Variants in PLPP4 observed in about 807,000 individuals in gnomAD.
PLPP4 encodes phospholipid phosphatase 4.
In PLPP4, 20 loss-of-function variants were observed where a neutral mutation model predicts 32.2. The observed-to-expected ratio is 0.62, with a 90% CI of 0.44 to 0.90. The LOEUF (loss-of-function observed/expected upper bound fraction) is 0.90. Ranked by LOEUF, PLPP4 falls within the 40% of genes least tolerant of loss-of-function variation. The pLI is 0.00. For missense variants in PLPP4, 257 were observed against 353.1 expected, an observed-to-expected ratio of 0.73 and a Z score of 2.18; for synonymous variants, 127 against 133.0, an observed-to-expected ratio of 0.95 and a Z score of 0.31.
At chr10:120,523,361 C>G (rs797014887) in intron 5 of PLPP4, among the ~76,000 whole-genome samples, 1 of 151,934 alleles carries the variant, frequency 6.6e-6, no homozygotes, top group Admixed American at 6.6e-5. Context: ...CTGTGACTTA[C>G]GGCAGAACAC....
Position 120,550,908 on chromosome 10 carries a change from A to G in PLPP4, c.446-24223A>G, listed in dbSNP as rs184750671. ...TAAAAGATAAATTGAACTCAAGCAA[A>G]ATTAAAAATGTCTGCTTTTCAAAAG... is the stretch of plus-strand genomic sequence containing the variant. On this transcript the variant is annotated intron_variant, in intron 5 of 6. Coordinates refer to ENST00000398250, the MANE Select transcript of PLPP4 (RefSeq NM_001030059.3). Among the ~76,000 whole-genome samples the G allele has an allele frequency of 3.9e-5, 6 of 152,230 alleles. No individual in the cohort carries two copies. In the East Asian group the frequency reaches 9.6e-4, roughly 24 times the overall value.
In PLPP4 at chr10:120,589,670, A is replaced by G. The variant is rs769474096; in HGVS notation, c.*168A>G. 4 of 596,150 alleles carry G rather than the reference A, an allele frequency of 6.7e-6. No individual in the cohort carries two copies. The highest frequency in any genetic ancestry group is 1.2e-5 in the Non-Finnish European group (4 of 344,564). 36.9% of individuals were successfully genotyped at this position (596,150 alleles called of 1,614,324 possible). A position where few individuals can be genotyped will look rare whatever the true frequency, so the allele number is the denominator to read the frequency against. On this transcript the variant is annotated 3_prime_UTR_variant, in exon 7 of 7. Transcript: ENST00000398250. The stretch of plus-strand genomic sequence containing the variant: ...GGTGTTCCTGCTACTTTAAATGTCT[A>G]CTTCCAACATCCTTGAATTTGCAAG...
intron 3 of PLPP4, among the ~76,000 whole-genome samples, chr10:120,515,941 A>G (rs1047149814): frequency 6.6e-5 from 10 of 152,232 alleles, no homozygotes; most frequent in Non-Finnish European, 1.3e-4. Flanking sequence ...AGTAGCTCAC[A>G]GTTGCCTTCT....
At chr10:120,514,169 G>C (rs973389904) in intron 3 of PLPP4, among the ~76,000 whole-genome samples, 168 bp downstream of exon 3, 1 of 152,190 alleles carries the variant, frequency 6.6e-6, no homozygotes, top group East Asian at 1.9e-4. Flanking sequence ...AAGAGCCAAC[G>C]TGCGGTCCTA....
At chr10:120,464,997 G>A (rs986803076) in intron 1 of PLPP4, among the ~76,000 whole-genome samples, 13 of 152,280 alleles carry the variant, frequency 8.5e-5, no homozygotes, top group South Asian at 2.1e-4. Flanking sequence ...TTCCCACAGG[G>A]AGATAAATGC....
intron 6 of PLPP4, among the ~76,000 whole-genome samples, chr10:120,579,242 G>A (rs754322356): frequency 1.3e-5 from 2 of 152,126 alleles, no homozygotes; most frequent in African/African-American, 2.4e-5. Flanking sequence ...ATTTTAAGCA[G>A]CCCTGGGTGC....
At chr10:120,463,306 G>T (rs137974721) in intron 1 of PLPP4, among the ~76,000 whole-genome samples, 3 of 152,240 alleles carry the variant, frequency 2.0e-5, no homozygotes, top group South Asian at 2.1e-4. Context: ...GATTACAGGC[G>T]TGAGCCACCG....
chr10:120,556,269 TG>T (rs1848160672), intron 5 of PLPP4, among the ~76,000 whole-genome samples: 5 of 152,214 alleles, frequency 3.3e-5, no homozygotes, highest in Admixed American at 3.3e-4. Flanking sequence ...CTTAGTGCCC[TG>T]GGGGGTAATT....
intron 5 of PLPP4, among the ~76,000 whole-genome samples, chr10:120,540,257 G>C (rs1847276572): frequency 6.6e-6 from 1 of 152,182 alleles, no homozygotes; most frequent in African/African-American, 2.4e-5. Flanking sequence ...GTGTCCTCCT[G>C]TGGCTAAGGT....
At chr10:120,519,665 A>G (rs1846072197) in intron 4 of PLPP4, among the ~76,000 whole-genome samples, 1 of 152,098 alleles carries the variant, frequency 6.6e-6, no homozygotes, top group Non-Finnish European at 1.5e-5. Context: ...TTGGAGAAAC[A>G]GTGGCTGAGT....
At chr10:120,494,664 G>A (rs1411727823) in intron 1 of PLPP4, among the ~76,000 whole-genome samples, 2 of 152,196 alleles carry the variant, frequency 1.3e-5, no homozygotes, top group African/African-American at 4.8e-5. Flanking sequence ...CCTTATCCAG[G>A]TGAGGGGTGG....
intron 1 of PLPP4, among the ~76,000 whole-genome samples, chr10:120,495,322 A>G (rs1349121759): frequency 2.0e-5 from 3 of 152,258 alleles, no homozygotes; most frequent in Non-Finnish European, 2.9e-5. Context: ...CAGAGTAAAG[A>G]CCTGTCTGAG....
At chr10:120,518,730 A>G in intron 3 of PLPP4, 103 bp from the exon 4 acceptor site, 1 of 917,764 alleles carries the variant, frequency 1.1e-6, no homozygotes, top group Non-Finnish European at 1.7e-6. Flanking sequence ...TCTGGTCATT[A>G]AATAGTATTA....
intron 5 of PLPP4, among the ~76,000 whole-genome samples, chr10:120,558,766 C>T (rs1175419138): frequency 1.3e-5 from 2 of 151,568 alleles, no homozygotes; most frequent in Non-Finnish European, 2.9e-5. Flanking sequence ...CATGACTATA[C>T]CTCAATTTAA....
At chr10:120,542,301 A>T (rs1167469783) in intron 5 of PLPP4, among the ~76,000 whole-genome samples, 1 of 152,238 alleles carries the variant, frequency 6.6e-6, no homozygotes, top group Non-Finnish European at 1.5e-5. Flanking sequence ...GCCTGACTTT[A>T]AACAGTGGGG....
At chr10:120,576,159 G>A (rs1849214661) in intron 6 of PLPP4, among the ~76,000 whole-genome samples, 1 of 152,224 alleles carries the variant, frequency 6.6e-6, no homozygotes, top group African/African-American at 2.4e-5. Flanking sequence ...CATTGCTGAT[G>A]AAGTCTAAGA....
chr10:120,575,302 G>A lies in PLPP4; in HGVS notation c.616+1G>A. The A allele has an allele frequency of 6.2e-7, 1 of 1,613,346 alleles. No homozygotes were observed. ...TGCGACTACAAGCATCACTGGCAAG[G>A]TGAGTCCCTGCCCAGGGCCTGACTA... On this transcript the variant is annotated splice_donor_variant, in intron 6 of 6. Transcript: ENST00000398250. LOFTEE classifies it high-confidence loss of function.
chr10:120,470,170 T>C lies in PLPP4; in HGVS notation c.56+12809T>C, dbSNP rs115299833. On this transcript the variant is annotated intron_variant, in intron 1 of 6. Coordinates refer to ENST00000398250, the MANE Select transcript of PLPP4 (RefSeq NM_001030059.3). The stretch of plus-strand genomic sequence containing the variant: ...TTCTGCCATGGCCTGGAATGTAACA[T>C]TTGCTTCACTTTGCATTTCTCTATG... Among the ~76,000 whole-genome samples, 867 of 152,342 alleles carry C rather than the reference T, an allele frequency of 5.7e-3. 11 individuals carry two copies. Among genetic ancestry groups the C allele is most frequent in the African/African-American group, 0.02 (840 of 41,576 alleles).
chr10:120,563,502 A>G (rs1318551619), intron 5 of PLPP4, among the ~76,000 whole-genome samples: 2 of 151,872 alleles, frequency 1.3e-5, no homozygotes, highest in East Asian at 3.9e-4. Flanking sequence ...CTAGAGTTAT[A>G]AAAATCTTGA....
Sources: gnomAD v4.1 joint callset for allele counts (sites outside exome capture counted in the v4.1 genomes callset) on GRCh38, gnomAD v4.1.1 for gene constraint, MANE v1.5 for transcripts, NCBI Gene and HGNC (gene_info 2026-07-23, HGNC 2026-07-21) for gene names.